Variants in GBE1 observed in about 807,000 individuals in gnomAD.
GBE1 encodes the protein 1,4-alpha-glucan-branching enzyme.
In GBE1, 70 loss-of-function variants were observed where a neutral mutation model predicts 88.8. That is an observed-to-expected ratio of 0.79 (90% CI 0.65 to 0.96). The LOEUF is 0.96. Among genes scored for constraint, GBE1 ranks in the 40% least tolerant of loss-of-function variants. The pLI is 0.00. For synonymous variants in GBE1, 284 were observed against 300.1 expected (o/e 0.95, Z 0.56); for missense variants, 872 against 871.0 (o/e 1.00, Z -0.01).
At chr3:81,725,715 T>C (rs151162925) in intron 1 of GBE1, among the ~76,000 whole-genome samples, 4 of 152,356 alleles carry the variant, frequency 2.6e-5, no homozygotes, top group African/African-American at 9.6e-5. Flanking sequence ...CATTAGTGCA[T>C]TGCACTATGG....
chr3:81,542,458 A>C (rs980103840), intron 12 of GBE1, among the ~76,000 whole-genome samples: 8 of 152,154 alleles, frequency 5.3e-5, no homozygotes, highest in African/African-American at 1.9e-4. Flanking sequence ...ACTGCTCATG[A>C]TTCGAAGATA....
chr3:81,537,011 T>C lies in GBE1; in HGVS notation c.1703A>G (p.His568Arg), dbSNP rs1346550496. ...ESYHYARRQFHLTDDDLLRYK... is the reference protein window; with the variant it reads ...ESYHYARRQFRLTDDDLLRYK... ...GCGAAGAAGGTCGTCGTCAGTTAAATGAAACTGCCGCCTGGCATAATGGTA... is the reference window on the plus strand; with the variant it reads ...GCGAAGAAGGTCGTCGTCAGTTAAACGAAACTGCCGCCTGGCATAATGGTA... The change falls in exon 13 of 16, where the codon CAT (histidine) becomes CGT (arginine). Residue 568 changes from histidine (H) to arginine (R), a missense_variant. By Grantham distance (29) the His-to-Arg change is conservative (BLOSUM62 0). Coordinates refer to ENST00000429644, the MANE Select transcript of GBE1 (RefSeq NM_000158.4). The C allele has an allele frequency of 6.3e-7, 1 of 1,590,874 alleles. No individual in the cohort carries two copies. Among genetic ancestry groups the C allele is most frequent in the East Asian group, 2.3e-5 (1 of 42,884 alleles).
chr3:81,702,400 T>C (rs1705712341), intron 2 of GBE1, among the ~76,000 whole-genome samples: 1 of 151,970 alleles, frequency 6.6e-6, no homozygotes, highest in African/African-American at 2.4e-5. Flanking sequence ...CAAAGAGACT[T>C]TGAGATCCTA....
intron 2 of GBE1, among the ~76,000 whole-genome samples, chr3:81,698,378 C>A (rs2107157282): frequency 6.6e-6 from 1 of 152,166 alleles, no homozygotes; most frequent in East Asian, 1.9e-4. Flanking sequence ...GATTTTGTAG[C>A]ATCTGTCTTA....
rs535931272 is a variant in GBE1, at chr3:81,591,390, A to G, written c.1109-226T>C. Among the ~76,000 whole-genome samples the G allele has an allele frequency of 2.6e-5, 4 of 152,294 alleles. No individual in the cohort carries two copies. The South Asian group carries it at 8.3e-4, about 32-fold the overall frequency. On this transcript the variant is annotated intron_variant, in intron 8 of 15. Transcript: ENST00000429644. ...GTTTGACAAATGCACACGCATGAGA[A>G]AAACAAAGCACTTTAAAGATTTAAT... is the stretch of plus-strand genomic sequence containing the variant.
chr3:81,664,811 G>A (rs1436628568), intron 3 of GBE1, among the ~76,000 whole-genome samples: 2 of 152,082 alleles, frequency 1.3e-5, no homozygotes, highest in Non-Finnish European at 2.9e-5. Context: ...GACTGTAAAT[G>A]TGACTTCTTA....
intron 1 of GBE1, among the ~76,000 whole-genome samples, chr3:81,760,696 G>A (rs1706665811): frequency 6.6e-6 from 1 of 152,164 alleles, no homozygotes; most frequent in Admixed American, 6.5e-5. Context: ...AAGCTAAAAC[G>A]ACATTGGCCT....
intron 1 of GBE1, among the ~76,000 whole-genome samples, chr3:81,715,072 A>G (rs1163854530): frequency 1.3e-5 from 2 of 152,192 alleles, no homozygotes; most frequent in South Asian, 4.1e-4. Context: ...AAATAAAATG[A>G]ATGTGTAGAA....
intron 7 of GBE1, among the ~76,000 whole-genome samples, chr3:81,608,652 C>T (rs1354593862): frequency 6.6e-6 from 1 of 152,128 alleles, no homozygotes. Context: ...TATCTGTTAA[C>T]TCCTTAAGAT....
intron 12 of GBE1, among the ~76,000 whole-genome samples, chr3:81,538,937 C>T (rs531182338): frequency 1.3e-5 from 2 of 152,112 alleles, no homozygotes; most frequent in Admixed American, 1.3e-4. Context: ...TCCTTTAGCC[C>T]TCTTCCATGG....
intron 8 of GBE1, 141 bp downstream of exon 8, chr3:81,593,767 T>A: frequency 1.8e-6 from 1 of 569,372 alleles, no homozygotes. Context: ...AATGTACTTA[T>A]AATCTACCTT....
At chr3:81,507,294 G>A (rs192513503) in intron 14 of GBE1, among the ~76,000 whole-genome samples, 47 of 152,222 alleles carry the variant, frequency 3.1e-4, no homozygotes, top group African/African-American at 1.1e-3. Context: ...CCCGGGCGCA[G>A]TGGCTCACGC....
intron 7 of GBE1, chr3:81,612,754 G>A (rs988828265): frequency 3.6e-5 from 16 of 448,674 alleles, no homozygotes; most frequent in African/African-American, 2.6e-4. Context: ...AAGCCTGCAG[G>A]AGCAGATGTC....
rs1553680309 is a variant in GBE1 at position 81,536,962 on chromosome 3, G to A, written c.1752C>T (p.Asp584=). Residue 584 remains aspartate (D), a synonymous_variant, in exon 13 of 16, where the codon GAC becomes GAT. Coordinates refer to ENST00000429644, the MANE Select transcript of GBE1 (RefSeq NM_000158.4). Reference sequence around the variant, plus strand: ...TTTCTTCCAATCTATTCATATCCCTGTCAAAATTATTTAGGAACTTGTAGC... The same window carrying A: ...TTTCTTCCAATCTATTCATATCCCTATCAAAATTATTTAGGAACTTGTAGC... ...LLRYKFLNNF[D]RDMNRLEERY... The A allele has an allele frequency of 1.3e-6, 2 of 1,591,654 alleles. No homozygotes were observed. Among genetic ancestry groups the A allele is most frequent in the Admixed American group, 3.5e-5 (2 of 56,660 alleles).
At chr3:81,696,635 T>C (rs1025641786) in intron 2 of GBE1, among the ~76,000 whole-genome samples, 5 of 152,108 alleles carry the variant, frequency 3.3e-5, no homozygotes, top group Admixed American at 6.5e-5. Context: ...ACAAAGCCAA[T>C]TTGATAGATA....
chr3:81,555,835 T>G (rs1407549472), intron 12 of GBE1, among the ~76,000 whole-genome samples: 2 of 152,212 alleles, frequency 1.3e-5, no homozygotes, highest in Non-Finnish European at 2.9e-5. Flanking sequence ...TTTTTTTAGC[T>G]GGATAAACTG....
intron 9 of GBE1, among the ~76,000 whole-genome samples, chr3:81,588,076 G>A (rs1449195627): frequency 1.3e-5 from 2 of 150,190 alleles, no homozygotes; most frequent in African/African-American, 2.5e-5. Context: ...CATACCATAG[G>A]CTCTCTAAGA....
intron 12 of GBE1, among the ~76,000 whole-genome samples, chr3:81,556,413 A>C (rs1703349577): frequency 2.6e-5 from 4 of 152,092 alleles, no homozygotes. Flanking sequence ...GTCCCTCATA[A>C]ACTGGCACAT....
intron 14 of GBE1, among the ~76,000 whole-genome samples, chr3:81,522,970 A>C (rs963054707): frequency 4.0e-5 from 6 of 151,534 alleles, no homozygotes; most frequent in Non-Finnish European, 5.9e-5. Context: ...TTATTAAAAT[A>C]GAAAATTTTC....
Sources: gnomAD v4.1 joint callset for allele counts (sites outside exome capture counted in the v4.1 genomes callset) on GRCh38, gnomAD v4.1.1 for gene constraint, MANE v1.5 for transcripts, NCBI Gene and HGNC (gene_info 2026-07-23, HGNC 2026-07-21) for gene names.